Variants in CIB4 observed in about 807,000 individuals in gnomAD.
The protein encoded by CIB4 is calcium and integrin binding family member 4, also known as calcium and integrin-binding family member 4.
In CIB4, 25 loss-of-function variants were observed where a neutral mutation model predicts 25.8. The ratio of observed to expected loss-of-function variants is 0.97; its 90% confidence interval spans 0.71 to 1.35. The LOEUF (loss-of-function observed/expected upper bound fraction) is 1.35. Among genes scored for constraint, CIB4 ranks in the 40% most tolerant of loss-of-function variants. The pLI is 0.00. For synonymous variants in CIB4, 75 were observed against 81.4 expected, an observed-to-expected ratio of 0.92 and a Z score of 0.42; for missense variants, 235 against 228.2, an observed-to-expected ratio of 1.03 and a Z score of -0.19.
At chr2:26,618,030 A>G (rs1041332816) in intron 3 of CIB4, among the ~76,000 whole-genome samples, 1 of 152,124 alleles carries the variant, frequency 6.6e-6, no homozygotes, top group Non-Finnish European at 1.5e-5. Context: ...CAGTTTCTCC[A>G]TCTATGAAGG....
Position 26,627,250 on chromosome 2 carries a change from G to A in CIB4, c.186+2160C>T, listed in dbSNP as rs1166503072. On this transcript the variant is annotated intron_variant, in intron 3 of 6. Coordinates refer to ENST00000288861, the MANE Select transcript of CIB4 (RefSeq NM_001029881.3). This position sits in a 1 kb window ranked among gnomAD's most constrained non-coding sequence, Gnocchi z 4.0. ...GATTAGAATAGGAGGCTCTGCCTGG[G>A]CCAGAGTTCAAGCTGACTCCCCCAG... 2.6e-5 allele frequency among the ~76,000 whole-genome samples: 4 copies of A among 152,184 alleles called. No homozygotes were observed. Among genetic ancestry groups the A allele is most frequent in the African/African-American group, 4.8e-5 (2 of 41,442 alleles).
At chr2:26,588,984 C>CTTCTTT (rs1668510025) in intron 4 of CIB4, among the ~76,000 whole-genome samples, 1 of 7,408 alleles carries the variant, frequency 1.3e-4, no homozygotes, top group African/African-American at 4.6e-4. Context: ...CTTCTTTCTT[C>CTTCTTT]TTCTTCTTCT....
At chr2:26,605,607 A>G (rs1198343615) in intron 3 of CIB4, 4 of 469,340 alleles carry the variant, frequency 8.5e-6, no homozygotes. Context: ...TTCACCCTTC[A>G]GCACTAGAGT....
At chr2:26,618,925 C>A (rs1669148312) in intron 3 of CIB4, among the ~76,000 whole-genome samples, 1 of 152,188 alleles carries the variant, frequency 6.6e-6, no homozygotes, top group Middle Eastern at 3.2e-3. Context: ...TGGGTGAGAC[C>A]ATCTGGGCCC....
At chr2:26,612,169 C>T (rs1669007175) in intron 3 of CIB4, among the ~76,000 whole-genome samples, 1 of 152,204 alleles carries the variant, frequency 6.6e-6, no homozygotes. Flanking sequence ...AGGGCAAGGG[C>T]TGAACCCAGG....
intron 2 of CIB4, among the ~76,000 whole-genome samples, chr2:26,635,446 G>A (rs1669514469): frequency 6.6e-6 from 1 of 152,354 alleles, no homozygotes; most frequent in South Asian, 2.1e-4. Context: ...TCGGTCTCTT[G>A]AATACTTTTT....
chr2:26,617,120 A>ATATGTGTGTGTGTGTGTGTG (rs146713738), intron 3 of CIB4, among the ~76,000 whole-genome samples: 12 of 137,792 alleles, frequency 8.7e-5, no homozygotes, highest in African/African-American at 3.2e-4. Context: ...AGAGCATGGA[A>ATATGTGTGTGTGTGTGTGTG]TGTGTGTGTG....
chr2:26,592,602 C>G (rs1197936074), intron 4 of CIB4, among the ~76,000 whole-genome samples: 1 of 152,118 alleles, frequency 6.6e-6, no homozygotes, highest in African/African-American at 2.4e-5. Context: ...TTAGAGCTTT[C>G]TATTGTCCTG....
intron 3 of CIB4, among the ~76,000 whole-genome samples, chr2:26,601,348 A>T (rs1668785862): frequency 6.6e-6 from 1 of 150,568 alleles, no homozygotes; most frequent in Non-Finnish European, 1.5e-5. Flanking sequence ...CATAATGGAG[A>T]CTCCAGAAAC....
At position 26,625,670 on chromosome 2, in the gene CIB4, C is replaced by G. The variant is rs921933241; in HGVS notation, c.186+3740G>C. Among the ~76,000 whole-genome samples, 4 of 152,258 alleles carry G rather than the reference C, an allele frequency of 2.6e-5. No individual in the cohort carries two copies. The East Asian group carries it at 7.7e-4, about 29-fold the overall frequency. ...CCCACCTGTGGAAAACAGGCTCCACCCCCCCACTGCTTCCCACCCGGACTT... is the reference window on the plus strand; with the variant it reads ...CCCACCTGTGGAAAACAGGCTCCACGCCCCCACTGCTTCCCACCCGGACTT... On this transcript the variant is annotated intron_variant, in intron 3 of 6. Transcript: ENST00000288861.
chr2:26,620,848 C>T (rs935313702), intron 3 of CIB4, among the ~76,000 whole-genome samples: 2 of 151,982 alleles, frequency 1.3e-5, no homozygotes, highest in Non-Finnish European at 2.9e-5. Flanking sequence ...GCTACAAAAA[C>T]GAGAAAGATC....
chr2:26,639,192 T>C (rs965358040), intron 2 of CIB4, among the ~76,000 whole-genome samples: 1 of 151,706 alleles, frequency 6.6e-6, no homozygotes, highest in African/African-American at 2.4e-5. Flanking sequence ...TATTTGAATT[T>C]TCTTTTTTTT....
At chr2:26,581,419 T>C (rs1668336604) in intron 6 of CIB4, 26 bp from the exon 7 acceptor site, 5 of 1,613,326 alleles carry the variant, frequency 3.1e-6, no homozygotes, top group Non-Finnish European at 4.2e-6. Context: ...CCGTGAGCCA[T>C]GTGAGCCCGC....
intron 6 of CIB4, 66 bp from the exon 7 acceptor site, chr2:26,581,459 T>A: frequency 2.0e-6 from 3 of 1,499,980 alleles, no homozygotes; most frequent in Non-Finnish European, 2.8e-6. Flanking sequence ...ACTCCTGGGT[T>A]CACAGTAGTC....
intron 3 of CIB4, among the ~76,000 whole-genome samples, chr2:26,625,145 T>C (rs998738589): frequency 6.6e-6 from 1 of 151,948 alleles, no homozygotes; most frequent in Admixed American, 6.6e-5. Flanking sequence ...ACTCAGAGAG[T>C]GAGGAGGGCA....
intron 2 of CIB4, among the ~76,000 whole-genome samples, chr2:26,635,581 C>T (rs1048133501): frequency 1.3e-5 from 2 of 152,210 alleles, no homozygotes; most frequent in African/African-American, 2.4e-5. Flanking sequence ...ACCAGGGCTT[C>T]GTCTGGCTCA....
intron 2 of CIB4, among the ~76,000 whole-genome samples, chr2:26,637,129 G>C (rs527854679): frequency 2.0e-5 from 3 of 152,182 alleles, no homozygotes; most frequent in Non-Finnish European, 4.4e-5. Flanking sequence ...CCTGTCTTCC[G>C]CTGGGGCAGG....
In CIB4 at chr2:26,611,875, T is replaced by G. The variant is rs1351451570; in HGVS notation, c.187-16558A>C. ...AATGGAAAAGAGCACAGAATAAAAT[T>G]GTATCTATGTATGTCTACGATATTA... is the stretch of plus-strand genomic sequence containing the variant. On this transcript the variant is annotated intron_variant, in intron 3 of 6. Transcript: ENST00000288861. Among the ~76,000 whole-genome samples the G allele has an allele frequency of 2.0e-5, 3 of 152,162 alleles. No individual in the cohort carries two copies. The East Asian group carries it at 5.8e-4, about 29-fold the overall frequency.
At chr2:26,626,295 G>C (rs1029243200) in intron 3 of CIB4, among the ~76,000 whole-genome samples, 4 of 150,560 alleles carry the variant, frequency 2.7e-5, no homozygotes, top group Admixed American at 2.0e-4. Context: ...TAGTTCTCTA[G>C]GTGGGGCAAT....
Sources: allele counts gnomAD v4.1 joint callset (sites outside exome capture counted in the v4.1 genomes callset), GRCh38; gene constraint gnomAD v4.1.1; non-coding constraint Gnocchi (gnomAD v3.1); transcripts MANE v1.5; gene names NCBI Gene and HGNC (gene_info 2026-07-23, HGNC 2026-07-21).